LRFN2: variants seen among roughly 807,000 people sequenced by gnomAD.
LRFN2 encodes leucine-rich repeat and fibronectin type-III domain-containing protein 2.
A neutral mutation model predicts 37.3 loss-of-function variants in LRFN2; 18 were observed. The observed-to-expected ratio is 0.48, with a 90% CI of 0.33 to 0.72. The LOEUF is 0.72. Ranked by LOEUF, LRFN2 falls within the 30% of genes least tolerant of loss-of-function variation. The pLI is 0.02. For synonymous variants in LRFN2, 556 were observed against 466.6 expected (o/e 1.19, Z -2.47); for missense variants, 1,006 against 1,060.7 (o/e 0.95, Z 0.72).
At chr6:40,490,403 G>C (rs991641131) in intron 1 of LRFN2, among the ~76,000 whole-genome samples, 1 of 152,202 alleles carries the variant, frequency 6.6e-6, no homozygotes, top group Admixed American at 6.5e-5. Flanking sequence ...AAGAAGGGCT[G>C]CCATTCTGAA....
intron 1 of LRFN2, among the ~76,000 whole-genome samples, chr6:40,514,562 G>T (rs996116091): frequency 2.0e-5 from 3 of 152,114 alleles, no homozygotes; most frequent in African/African-American, 7.2e-5. Context: ...TGATCTGCCC[G>T]CCTTGGCCTC....
At chr6:40,435,042 TATATATATATAGAGAGAG>T (rs1325954150) in intron 1 of LRFN2, among the ~76,000 whole-genome samples, 32 of 91,988 alleles carry the variant, frequency 3.5e-4, no homozygotes, top group East Asian at 3.0e-3. Context: ...TATATATATA[TATATATATATAGAGAGAG>T]AGAGAGAGAG....
intron 1 of LRFN2, among the ~76,000 whole-genome samples, chr6:40,478,853 T>C (rs996293922): frequency 3.3e-5 from 5 of 152,234 alleles, no homozygotes; most frequent in African/African-American, 1.2e-4. Context: ...AACCAGCTAG[T>C]GGTTTTGGCT....
intron 1 of LRFN2, among the ~76,000 whole-genome samples, chr6:40,514,727 C>G (rs908961156): frequency 1.3e-5 from 2 of 152,180 alleles, no homozygotes; most frequent in African/African-American, 4.8e-5. Context: ...TTACAATTTT[C>G]AAAATTTCTT....
Position 40,431,773 on chromosome 6 carries a change from G to C in LRFN2, c.1341C>G (p.Pro447=). Residue 447 remains proline (P), a synonymous_variant, in exon 2 of 3, where the codon CCC becomes CCG. Coordinates refer to ENST00000338305, the MANE Select transcript of LRFN2 (RefSeq NM_020737.3). ...ACTGCAGCTGGTACATCTTCACCCGGGGTGCTGACTTGCTGACAGACCACT... is the reference window on the plus strand; with the variant it reads ...ACTGCAGCTGGTACATCTTCACCCGCGGTGCTGACTTGCTGACAGACCACT... ...LVKWSVSKSA[P]RVKMYQLQYN... is the part of the protein sequence containing the mutation. The C allele has an allele frequency of 6.5e-7, 1 of 1,528,410 alleles. No individual in the cohort carries two copies. The allele number at this position is 1,528,410 out of a possible 1,614,324, so 94.7% of individuals were successfully genotyped here.
chr6:40,529,803 G>A (rs921199680), intron 1 of LRFN2, among the ~76,000 whole-genome samples: 2 of 152,196 alleles, frequency 1.3e-5, no homozygotes, highest in Non-Finnish European at 2.9e-5. Context: ...CCACAGGGTG[G>A]ATGTGACAAT....
intron 1 of LRFN2, among the ~76,000 whole-genome samples, chr6:40,445,017 A>C: frequency 6.6e-6 from 1 of 150,664 alleles, no homozygotes; most frequent in Non-Finnish European, 1.5e-5. Flanking sequence ...TCACCCCCCC[A>C]GGGACCTGCT....
At chr6:40,498,528 T>C (rs954851551) in intron 1 of LRFN2, among the ~76,000 whole-genome samples, 1 of 152,204 alleles carries the variant, frequency 6.6e-6, no homozygotes, top group Non-Finnish European at 1.5e-5. Context: ...AAAAAAAGCA[T>C]GTAGACTTGC....
At chr6:40,454,655 T>A (rs1279973991) in intron 1 of LRFN2, among the ~76,000 whole-genome samples, 1 of 152,216 alleles carries the variant, frequency 6.6e-6, no homozygotes, top group Admixed American at 6.5e-5. Flanking sequence ...TCTTTACTTA[T>A]CTTATCAGGA....
At chr6:40,470,886 G>A (rs940824668) in intron 1 of LRFN2, among the ~76,000 whole-genome samples, 6 of 152,220 alleles carry the variant, frequency 3.9e-5, no homozygotes, top group Non-Finnish European at 8.8e-5. Flanking sequence ...TAGGGTGGGT[G>A]GTTGCACCAC....
At chr6:40,496,110 C>T (rs933286300) in intron 1 of LRFN2, among the ~76,000 whole-genome samples, 3 of 152,184 alleles carry the variant, frequency 2.0e-5, no homozygotes, top group Non-Finnish European at 4.4e-5. Flanking sequence ...CTTGATTCCT[C>T]CCTTCCTCTC....
intron 1 of LRFN2, among the ~76,000 whole-genome samples, chr6:40,456,421 G>A (rs904118391): frequency 1.3e-5 from 2 of 152,196 alleles, no homozygotes; most frequent in African/African-American, 4.8e-5. Flanking sequence ...ACTAGACCCA[G>A]GTATGTCGAT....
chr6:40,509,959 T>C (rs72500584), intron 1 of LRFN2, among the ~76,000 whole-genome samples: 16,089 of 141,842 alleles, frequency 0.11, 1,457 homozygotes, highest in African/African-American at 0.25. Context: ...GGGGTGGGTG[T>C]ATGCATGTGG....
intron 2 of LRFN2, among the ~76,000 whole-genome samples, chr6:40,415,271 G>C (rs559196836): frequency 6.6e-6 from 1 of 152,086 alleles, no homozygotes; most frequent in Admixed American, 6.5e-5. Context: ...TGTCGCCTAG[G>C]CTGGAATGCA....
intron 2 of LRFN2, among the ~76,000 whole-genome samples, chr6:40,424,787 C>T (rs1374839761): frequency 6.6e-6 from 1 of 152,214 alleles, no homozygotes; most frequent in Admixed American, 6.5e-5. Flanking sequence ...TCTCACAGGT[C>T]CTGTTCCTGG....
At chr6:40,586,680 T>C (rs777829724) in intron 1 of LRFN2, among the ~76,000 whole-genome samples, 1 of 152,040 alleles carries the variant, frequency 6.6e-6, no homozygotes, top group Non-Finnish European at 1.5e-5. Context: ...CAGTCTCACA[T>C]GGACCCGGCT....
intron 1 of LRFN2, among the ~76,000 whole-genome samples, chr6:40,505,082 G>A (rs571478239): frequency 1.7e-3 from 255 of 152,294 alleles, no homozygotes; most frequent in Non-Finnish European, 3.1e-3. Context: ...CCGTGGCCTC[G>A]GCAAAGCAGC....
At chr6:40,446,089 G>T (rs968998017) in intron 1 of LRFN2, among the ~76,000 whole-genome samples, 5 of 152,144 alleles carry the variant, frequency 3.3e-5, no homozygotes, top group African/African-American at 1.2e-4. Context: ...CATGTTCATA[G>T]AACTCAGCAC....
chr6:40,495,402 A>G (rs1295654194), intron 1 of LRFN2, among the ~76,000 whole-genome samples: 2 of 152,188 alleles, frequency 1.3e-5, no homozygotes, highest in Non-Finnish European at 2.9e-5. Flanking sequence ...ACACTGGTTT[A>G]TAGCAAAATA....
Sources: allele counts gnomAD v4.1 joint callset (sites outside exome capture counted in the v4.1 genomes callset), GRCh38; gene constraint gnomAD v4.1.1; transcripts MANE v1.5; gene names NCBI Gene and HGNC (gene_info 2026-07-23, HGNC 2026-07-21).